Variants in CTNNAL1 observed in about 807,000 individuals in gnomAD.
CTNNAL1 encodes catenin alpha like 1.
A neutral mutation model predicts 93.6 loss-of-function variants in CTNNAL1; 69 were observed. That is an observed-to-expected ratio of 0.74 (90% CI 0.61 to 0.90). The LOEUF (loss-of-function observed/expected upper bound fraction) is 0.90. Ranked by LOEUF, CTNNAL1 falls within the 40% of genes least tolerant of loss-of-function variation. The pLI is 0.00. For missense variants in CTNNAL1, 836 were observed against 862.0 expected, an observed-to-expected ratio of 0.97 and a Z score of 0.38; for synonymous variants, 286 against 305.4, an observed-to-expected ratio of 0.94 and a Z score of 0.66.
Position 108,950,473 on chromosome 9 carries a change from T to G in CTNNAL1, c.1835+1736A>C, listed in dbSNP as rs1830529044. 4 of 1,543,958 alleles carry G rather than the reference T, an allele frequency of 2.6e-6. No individual in the cohort carries two copies. The East Asian group carries it at 9.8e-5, about 38-fold the overall frequency. On this transcript the variant is annotated intron_variant, in intron 14 of 18. Coordinates refer to ENST00000325551, the MANE Select transcript of CTNNAL1 (RefSeq NM_003798.4). Reference sequence around the variant, plus strand: ...ATGACAGCTAAACAGCAGCAAAATTTCTAACTCCTATCATTTCTGCCTTCT... The same window carrying G: ...ATGACAGCTAAACAGCAGCAAAATTGCTAACTCCTATCATTTCTGCCTTCT...
chr9:108,944,913 C>A (rs1234472863), intron 15 of CTNNAL1, among the ~76,000 whole-genome samples: 1 of 152,220 alleles, frequency 6.6e-6, no homozygotes, highest in African/African-American at 2.4e-5. Flanking sequence ...TACTTTGCAA[C>A]CTTCCCTTTA....
chr9:108,983,227 A>G lies in CTNNAL1; in HGVS notation c.818T>C (p.Ile273Thr). The G allele has an allele frequency of 1.3e-6, 2 of 1,596,210 alleles. No individual in the cohort carries two copies. The highest frequency in any genetic ancestry group is 1.1e-5 in the South Asian group (1 of 88,136). The change falls in exon 6 of 19, where the codon ATT becomes ACT. Residue 273 changes from isoleucine to threonine, a missense_variant. Physicochemically the swap from Ile to Thr is moderately conservative, Grantham distance 89 (BLOSUM62 -1). Transcript: ENST00000325551. ...DRMKVALDKVIEIVTDCKPNG... is the reference protein window; with the variant it reads ...DRMKVALDKVTEIVTDCKPNG... ...CGGTTTACAGTCAGTCACAATTTCAATGACCTTATCCAATGCCACTTTCAT... is the reference window on the plus strand; with the variant it reads ...CGGTTTACAGTCAGTCACAATTTCAGTGACCTTATCCAATGCCACTTTCAT...
intron 2 of CTNNAL1, among the ~76,000 whole-genome samples, chr9:108,997,799 C>G (rs1279779797): frequency 6.6e-6 from 1 of 152,186 alleles, no homozygotes; most frequent in African/African-American, 2.4e-5. Flanking sequence ...AACAAAGCCA[C>G]CTTTCACCAC....
chr9:108,990,610 A>G (rs1303331552), intron 4 of CTNNAL1, 116 bp downstream of exon 4: 3 of 1,287,838 alleles, frequency 2.3e-6, no homozygotes, highest in African/African-American at 1.5e-5. Context: ...TTCAAGACCA[A>G]GGCTATAGAC....
chr9:108,986,782 T>C (rs1295272025), intron 4 of CTNNAL1, among the ~76,000 whole-genome samples: 1 of 152,264 alleles, frequency 6.6e-6, no homozygotes, highest in East Asian at 1.9e-4. Flanking sequence ...TGGCCAGTGA[T>C]GATAAGCATT....
intron 14 of CTNNAL1, among the ~76,000 whole-genome samples, chr9:108,949,130 G>A (rs1431203130): frequency 1.3e-5 from 2 of 152,118 alleles, no homozygotes; most frequent in East Asian, 1.9e-4. Flanking sequence ...ACCTTAAACA[G>A]TAACCTGAAG....
chr9:108,985,592 G>C (rs572576676), intron 4 of CTNNAL1, among the ~76,000 whole-genome samples: 1 of 152,122 alleles, frequency 6.6e-6, no homozygotes, highest in African/African-American at 2.4e-5. Flanking sequence ...AATAGTGTAC[G>C]ACAAAGTGCA....
chr9:108,983,375 T>C, intron 5 of CTNNAL1, 60 bp from the exon 6 acceptor site: 2 of 1,343,682 alleles, frequency 1.5e-6, no homozygotes, highest in Non-Finnish European at 1.9e-6. Flanking sequence ...TGCACAAAAA[T>C]CTTACAGAGA....
intron 10 of CTNNAL1, among the ~76,000 whole-genome samples, chr9:108,966,937 G>C (rs1047193393): frequency 1.3e-5 from 2 of 152,102 alleles, no homozygotes; most frequent in African/African-American, 4.8e-5. Flanking sequence ...GAAATTTCCT[G>C]ATGGCCCATT....
chr9:109,012,451 G>T (rs1220786973), intron 1 of CTNNAL1, among the ~76,000 whole-genome samples: 1 of 152,128 alleles, frequency 6.6e-6, no homozygotes, highest in Non-Finnish European at 1.5e-5. Flanking sequence ...GCTCCCGAAG[G>T]CACAGAATTC....
chr9:108,990,657 G>A (rs1003030138), intron 4 of CTNNAL1, 69 bp downstream of exon 4: 5 of 1,524,850 alleles, frequency 3.3e-6, no homozygotes, highest in African/African-American at 1.4e-5. Flanking sequence ...CAATCCTAAC[G>A]ATCATACCTC....
Position 108,999,145 on chromosome 9 carries a change from C to A in CTNNAL1, c.253G>T (p.Val85Leu), listed in dbSNP as rs549948805. 6.2e-7 allele frequency: 1 copy of A among 1,613,870 alleles called. No homozygotes were observed. Among genetic ancestry groups the A allele is most frequent in the South Asian group, 1.1e-5 (1 of 91,000 alleles). Reference protein sequence around the residue: ...VNLAVGRFVKVGEAIANENWD... With the variant: ...VNLAVGRFVKLGEAIANENWD... ...TTTTCATTGGCTATAGCTTCTCCTACTTTAACAAATCTTCCAACTGCCAAG... is the reference window on the plus strand; with the variant it reads ...TTTTCATTGGCTATAGCTTCTCCTAATTTAACAAATCTTCCAACTGCCAAG... Residue 85 changes from valine to leucine, a missense_variant, in exon 2 of 19, where the codon GTA becomes TTA. Coordinates refer to ENST00000325551, the MANE Select transcript of CTNNAL1 (RefSeq NM_003798.4).
chr9:109,012,590 A>G (rs1166111391), intron 1 of CTNNAL1, among the ~76,000 whole-genome samples: 1 of 152,222 alleles, frequency 6.6e-6, no homozygotes, highest in Non-Finnish European at 1.5e-5. Flanking sequence ...CTGATTGGCA[A>G]ATACAGTAAC....
At chr9:108,981,498 A>C (rs868306243) in intron 6 of CTNNAL1, among the ~76,000 whole-genome samples, 33 of 150,762 alleles carry the variant, frequency 2.2e-4, no homozygotes, top group Middle Eastern at 3.4e-3. Context: ...AAAAAAAAAA[A>C]CAGTATATAA....
intron 4 of CTNNAL1, among the ~76,000 whole-genome samples, chr9:108,990,158 C>G (rs547256953): frequency 7.9e-5 from 12 of 152,252 alleles, no homozygotes; most frequent in African/African-American, 2.9e-4. Flanking sequence ...GCACAGTGAC[C>G]TTGGGAAAGT....
chr9:108,972,864 G>GGGCGCCCCCCCCCC, intron 8 of CTNNAL1, 31 bp from the exon 9 acceptor site: 2 of 142,554 alleles, frequency 1.4e-5, no homozygotes, highest in Non-Finnish European at 2.0e-5. Flanking sequence ...GGGGGGGTGG[G>GGGCGCCCCCCCCCC]AGGGTGGAGA....
intron 7 of CTNNAL1, chr9:108,977,297 G>A (rs1203626008): frequency 8.3e-6 from 2 of 240,630 alleles, no homozygotes; most frequent in Non-Finnish European, 1.6e-5. Flanking sequence ...TGAACCTATG[G>A]ATTATATTGA....
intron 2 of CTNNAL1, 38 bp from the exon 3 acceptor site, chr9:108,992,857 T>C: frequency 6.4e-7 from 1 of 1,567,248 alleles, no homozygotes; most frequent in Non-Finnish European, 8.6e-7. Context: ...TAAACAGGCA[T>C]ACAAATTAAA....
At chr9:108,962,288 TATA>T (rs940705239) in intron 11 of CTNNAL1, among the ~76,000 whole-genome samples, 1 of 152,212 alleles carries the variant, frequency 6.6e-6, no homozygotes, top group Non-Finnish European at 1.5e-5. Context: ...TTTTTATGGT[TATA>T]ATAGTCACGG....
Sources: gnomAD v4.1 joint callset for allele counts (sites outside exome capture counted in the v4.1 genomes callset) on GRCh38, gnomAD v4.1.1 for gene constraint, MANE v1.5 for transcripts, NCBI Gene and HGNC (gene_info 2026-07-23, HGNC 2026-07-21) for gene names.